Variants in FAM177A1 observed in about 807,000 individuals in gnomAD.
FAM177A1 encodes the protein protein FAM177A1.
A neutral mutation model predicts 26.1 loss-of-function variants in FAM177A1; 22 were observed. The observed-to-expected ratio is 0.84, with a 90% confidence interval of 0.60 to 1.20. The LOEUF (loss-of-function observed/expected upper bound fraction) is 1.20. Ranked by LOEUF, FAM177A1 falls within the 50% of genes most tolerant of loss-of-function variation. The probability of loss-of-function intolerance (pLI) is 0.00; values close to 1 mark genes in which losing one functional copy is unlikely to be tolerated. For missense variants in FAM177A1, 296 were observed against 291.1 expected (o/e 1.02, Z -0.12); for synonymous variants, 95 against 99.3 (o/e 0.96, Z 0.26).
chr14:35,072,827 A>G (rs991644253), intron 2 of FAM177A1, among the ~76,000 whole-genome samples: 4 of 152,074 alleles, frequency 2.6e-5, no homozygotes, highest in African/African-American at 9.7e-5. Context: ...CGAGATCCAA[A>G]TTTTGAAACG....
At chr14:35,070,343 T>A (rs1021859828) in intron 2 of FAM177A1, among the ~76,000 whole-genome samples, 6 of 149,394 alleles carry the variant, frequency 4.0e-5, no homozygotes, top group Non-Finnish European at 7.4e-5. Flanking sequence ...ATTTTTTTTT[T>A]CTTTGCGTCG....
chr14:35,079,518 A>G (rs1279320779), intron 4 of FAM177A1, among the ~76,000 whole-genome samples: 3 of 152,174 alleles, frequency 2.0e-5, no homozygotes, highest in Non-Finnish European at 4.4e-5. Flanking sequence ...TTAAAAAATA[A>G]AAGCCTTTAG....
chr14:35,062,150 C>A (rs779198613), intron 2 of FAM177A1, among the ~76,000 whole-genome samples: 15 of 152,096 alleles, frequency 9.9e-5, no homozygotes, highest in Admixed American at 4.6e-4. Flanking sequence ...TTACCACAGA[C>A]GTTTGCTTTT....
chr14:35,046,757 T>C (rs2044873317), intron 1 of FAM177A1, 129 bp downstream of exon 1: 2 of 1,401,104 alleles, frequency 1.4e-6, no homozygotes, highest in Non-Finnish European at 1.9e-6. Flanking sequence ...TCCTCCTCAC[T>C]GCACCCCTGT....
intron 3 of FAM177A1, 44 bp downstream of exon 3, chr14:35,077,260 C>T: frequency 1.3e-6 from 2 of 1,542,258 alleles, no homozygotes; most frequent in Non-Finnish European, 1.8e-6. Context: ...CTGTAACATG[C>T]TTCAGCAACA....
intron 2 of FAM177A1, among the ~76,000 whole-genome samples, chr14:35,058,978 C>T (rs2045106144): frequency 6.6e-6 from 1 of 152,106 alleles, no homozygotes; most frequent in South Asian, 2.1e-4. Context: ...CTCTGTCGCC[C>T]AGGCTGGACT....
At chr14:35,053,480 C>T (rs749450871) in intron 2 of FAM177A1, 29 bp downstream of exon 2, 6 of 1,606,546 alleles carry the variant, frequency 3.7e-6, no homozygotes, top group Non-Finnish European at 5.1e-6. Flanking sequence ...ATTCTTTCCT[C>T]AGTGGGCTTT....
chr14:35,063,305 G>A (rs2045188088), intron 2 of FAM177A1, among the ~76,000 whole-genome samples: 1 of 152,064 alleles, frequency 6.6e-6, no homozygotes, highest in South Asian at 2.1e-4. Flanking sequence ...AGGCATGGTG[G>A]CTCTTGCCTG....
chr14:35,053,822 T>A (rs990962034), intron 2 of FAM177A1, among the ~76,000 whole-genome samples: 3 of 152,008 alleles, frequency 2.0e-5, no homozygotes, highest in Non-Finnish European at 4.4e-5. Context: ...CAAAACGCCA[T>A]CTCTACTAAA....
At chr14:35,066,850 A>G (rs1377394308) in intron 2 of FAM177A1, among the ~76,000 whole-genome samples, 1 of 151,326 alleles carries the variant, frequency 6.6e-6, no homozygotes, top group East Asian at 1.9e-4. Context: ...CTGGAGCGCA[A>G]TGGCACAATC....
intron 1 of FAM177A1, chr14:35,047,055 T>A: frequency 1.0e-6 from 1 of 985,278 alleles, no homozygotes; most frequent in Non-Finnish European, 1.2e-6. Flanking sequence ...CCAGCTTTAA[T>A]TCACTGGATC....
chr14:35,045,404 G>C (rs1321285268), upstream of FAM177A1, among the ~76,000 whole-genome samples: 1 of 152,190 alleles, frequency 6.6e-6, no homozygotes, highest in Non-Finnish European at 1.5e-5. Context: ...GAAGAACTTT[G>C]GCACAGAAGA....
At chr14:35,076,539 T>C (rs1159179385) in intron 2 of FAM177A1, among the ~76,000 whole-genome samples, 4 of 151,896 alleles carry the variant, frequency 2.6e-5, no homozygotes, top group Non-Finnish European at 1.5e-5. Flanking sequence ...CATGTATACA[T>C]ATGTAACAAA....
intron 1 of FAM177A1, among the ~76,000 whole-genome samples, chr14:35,052,195 A>G (rs1326891310): frequency 2.0e-5 from 3 of 151,548 alleles, no homozygotes; most frequent in East Asian, 3.9e-4. Flanking sequence ...TTTCTTCACA[A>G]TTGTATGTAC....
At chr14:35,048,344 A>T (rs1175542476) in intron 1 of FAM177A1, among the ~76,000 whole-genome samples, 1 of 152,134 alleles carries the variant, frequency 6.6e-6, no homozygotes, top group Non-Finnish European at 1.5e-5. Context: ...TTGAAGTGAG[A>T]GGCTCTTTGA....
upstream of FAM177A1, chr14:35,045,122 A>G (rs575242049): frequency 6.6e-6 from 1 of 152,206 alleles, no homozygotes; most frequent in South Asian, 2.1e-4. Context: ...TTTTCAATTT[A>G]TGGCCGAGTT....
At chr14:35,049,424 T>C (rs563026243) in intron 1 of FAM177A1, among the ~76,000 whole-genome samples, 1 of 152,306 alleles carries the variant, frequency 6.6e-6, no homozygotes, top group South Asian at 2.1e-4. Flanking sequence ...GAATAAATTC[T>C]AAGTCTAGTA....
At chr14:35,065,696 ATTT>A (rs35125485) in intron 2 of FAM177A1, among the ~76,000 whole-genome samples, 2 of 139,146 alleles carry the variant, frequency 1.4e-5, no homozygotes, top group African/African-American at 5.4e-5. Flanking sequence ...ATAAGAAGCA[ATTT>A]TTTTTTTTTT....
chr14:35,069,279 G>A (rs1474539696), intron 2 of FAM177A1, among the ~76,000 whole-genome samples: 2 of 148,280 alleles, frequency 1.3e-5, no homozygotes, highest in Non-Finnish European at 3.0e-5. Context: ...TTATCCATTG[G>A]AGTAGGTTTT....
Sources: gnomAD v4.1 joint callset for allele counts (sites outside exome capture counted in the v4.1 genomes callset) on GRCh38, gnomAD v4.1.1 for gene constraint, MANE v1.5 for transcripts, NCBI Gene and HGNC (gene_info 2026-07-23, HGNC 2026-07-21) for gene names.